DNAH1: variants seen among roughly 807,000 people sequenced by gnomAD.
The protein encoded by DNAH1 is dynein axonemal heavy chain 1.
In DNAH1, 327 loss-of-function variants were observed where a neutral mutation model predicts 484.3. That is an observed-to-expected ratio of 0.68 (90% confidence interval 0.62 to 0.74). DNAH1 has a LOEUF of 0.74. Ranked by LOEUF, DNAH1 falls within the 30% of genes least tolerant of loss-of-function variation. The pLI is 0.00. For missense variants in DNAH1, 5,052 were observed against 5,546.8 expected, an observed-to-expected ratio of 0.91 and a Z score of 2.83; for synonymous variants, 2,192 against 2,191.9, an observed-to-expected ratio of 1.00 and a Z score of 0.00.
intron 51 of DNAH1, 54 bp downstream of exon 51, chr3:52,383,648 T>TG: frequency 2.7e-6 from 4 of 1,495,192 alleles, no homozygotes; most frequent in Non-Finnish European, 3.6e-6. Context: ...GGTGTGTACA[T>TG]GGGCTGGCCC....
In DNAH1 at chr3:52,345,702, C is replaced by T. The variant is rs748118922; in HGVS notation, c.1652C>T (p.Ser551Phe). ...EFEQIQSQTF[S>F]QVQMFLKDSW... ...GAGCAGATCCAGTCACAGACCTTCT[C>T]CCAGGTTTGTGGGCATCAAGGGCAC... Residue 551 changes from serine (S) to phenylalanine (F), a missense_variant, in exon 10 of 78, where the codon TCC becomes TTC. Around this residue, in one of 4 missense-constraint regions of DNAH1, gnomAD observed 1,263 missense variants for 1,218.8 expected, o/e 1.04. Transcript: ENST00000420323. The T allele has an allele frequency of 6.8e-6, 11 of 1,611,960 alleles. No homozygotes were observed. Among genetic ancestry groups the T allele is most frequent in the Admixed American group, 3.3e-5 (2 of 59,752 alleles).
At chr3:52,352,774 G>C in intron 18 of DNAH1, 67 bp downstream of exon 18, 3 of 1,538,954 alleles carry the variant, frequency 1.9e-6, no homozygotes, top group Non-Finnish European at 2.6e-6. Flanking sequence ...TGTAGATGCA[G>C]CTGCCAGGAG....
chr3:52,373,323 C>CAG (rs1703436116), intron 44 of DNAH1, among the ~76,000 whole-genome samples: 1 of 134,608 alleles, frequency 7.4e-6, no homozygotes, highest in Non-Finnish European at 1.6e-5. Context: ...GCCGCGGGGG[C>CAG]GCGACGGCGG....
intron 22 of DNAH1, among the ~76,000 whole-genome samples, chr3:52,357,046 T>C (rs1425460043): frequency 6.6e-6 from 1 of 151,506 alleles, no homozygotes; most frequent in Non-Finnish European, 1.5e-5. Context: ...TTTTGTTTTT[T>C]TTTTTGAAAC....
rs1702697761 is a variant in DNAH1 at position 52,358,169 on chromosome 3, C to T, written c.4086+166C>T. Among the ~76,000 whole-genome samples, 1 of 152,234 alleles carries T rather than the reference C, an allele frequency of 6.6e-6. No individual in the cohort carries two copies. Among genetic ancestry groups the T allele is most frequent in the South Asian group, 2.1e-4 (1 of 4,836 alleles). On this transcript the variant is annotated intron_variant, in intron 24 of 77. Coordinates refer to ENST00000420323, the MANE Select transcript of DNAH1 (RefSeq NM_015512.5). The surrounding 1 kb of genome is among the most constrained non-coding windows in gnomAD (Gnocchi z 4.2). ...GTGGGAGGAAGGTCAACTGCAGAATCCCCAGCTCAGGGCTGAGGGCCCTGG... is the reference window on the plus strand; with the variant it reads ...GTGGGAGGAAGGTCAACTGCAGAATTCCCAGCTCAGGGCTGAGGGCCCTGG...
At position 52,392,593 on chromosome 3, in the gene DNAH1, C is replaced by T. The variant is rs766640825; in HGVS notation, c.10182C>T (p.Ile3394=). The T allele has an allele frequency of 4.3e-6, 7 of 1,613,946 alleles. No individual in the cohort carries two copies. The highest frequency in any genetic ancestry group is 1.7e-5 in the Admixed American group (1 of 60,026). Residue 3394 remains isoleucine, a synonymous_variant, in exon 64 of 78, where the codon ATC becomes ATT. Coordinates refer to ENST00000420323, the MANE Select transcript of DNAH1 (RefSeq NM_015512.5). ...RQELKDIEDQ[I]LYRLSSSEGN... is the part of the protein sequence containing the mutation. The stretch of plus-strand genomic sequence containing the variant: ...AGCTGAAGGACATTGAGGACCAGAT[C>T]CTGTACCGGCTCAGCTCCTCCGAGG...
intron 50 of DNAH1, 117 bp from the exon 51 acceptor site, chr3:52,383,269 C>T (rs1407588734): frequency 1.1e-6 from 1 of 938,966 alleles, no homozygotes; most frequent in African/African-American, 1.6e-5. Flanking sequence ...CTCTGGGCTT[C>T]TCTGAGCCTT....
chr3:52,347,795 G>T, intron 11 of DNAH1, 29 bp from the exon 12 acceptor site: 1 of 1,546,898 alleles, frequency 6.5e-7, no homozygotes. Context: ...CTAGGCCTCT[G>T]CCCACAGTCA....
At position 52,322,484 on chromosome 3, in the gene DNAH1, C is replaced by T. The variant is rs775936085; in HGVS notation, c.42C>T (p.Thr14=). Residue 14 remains threonine (T), a synonymous_variant, in exon 2 of 78, where the codon ACC becomes ACT. Coordinates refer to ENST00000420323, the MANE Select transcript of DNAH1 (RefSeq NM_015512.5). ...GTAAAGGCTATAGCCTGGGAAGGACCCCTCAGGGCCCAGAGTGCAGCAGTG... is the reference window on the plus strand; with the variant it reads ...GTAAAGGCTATAGCCTGGGAAGGACTCCTCAGGGCCCAGAGTGCAGCAGTG... The part of the protein sequence containing the change: ...PNSKGYSLGR[T]PQGPECSSAP... 3.7e-6 allele frequency: 6 copies of T among 1,612,894 alleles called. No homozygotes were observed. Among genetic ancestry groups the T allele is most frequent in the Admixed American group, 1.7e-5 (1 of 59,674 alleles).
At position 52,353,412 on chromosome 3, in the gene DNAH1, C is replaced by T. The variant is rs540247484; in HGVS notation, c.3259C>T (p.Arg1087Cys). 48 of 1,613,310 alleles carry T rather than the reference C, an allele frequency of 3.0e-5. No individual in the cohort carries two copies. The highest frequency in any genetic ancestry group is 3.8e-5 in the Non-Finnish European group (45 of 1,179,478). Residue 1087 changes from arginine to cysteine, a missense_variant, in exon 20 of 78, where the codon CGC (arginine) becomes TGC (cysteine). Coordinates refer to ENST00000420323, the MANE Select transcript of DNAH1 (RefSeq NM_015512.5). This position sits in a 1 kb window ranked among gnomAD's most constrained non-coding sequence, Gnocchi z 5.0. ...CQEVALDIRA[R>C]IEEFKPYIPL... is the part of the protein sequence containing the mutation. ...GGAAGTGGCCTTGGACATCCGGGCC[C>T]GCATCGAGGAGTTCAAACCATACAT...
Position 52,348,005 on chromosome 3 carries a change from C to A in DNAH1, c.2106+31C>A, listed in dbSNP as rs1197274254. On this transcript the variant is annotated intron_variant, in intron 12 of 77. Coordinates refer to ENST00000420323, the MANE Select transcript of DNAH1 (RefSeq NM_015512.5). ...TGCTGCAGCCTGAGCAGGCCCCAGG[C>A]ACCTGCTGCCCTGGCTGCTGATGGC... is the stretch of plus-strand genomic sequence containing the variant. 2.5e-6 allele frequency: 4 copies of A among 1,581,750 alleles called. No individual in the cohort carries two copies. In the East Asian group the frequency reaches 9.2e-5, roughly 36 times the overall value.
Position 52,378,757 on chromosome 3 carries a change from A to G in DNAH1, c.7354A>G (p.Met2452Val), listed in dbSNP as rs761964423. The change falls in exon 47 of 78, where the codon ATG becomes GTG. Residue 2452 changes from methionine to valine, a missense_variant. Coordinates refer to ENST00000420323, the MANE Select transcript of DNAH1 (RefSeq NM_015512.5). ...DLSKVFQGML[M>V]ADPAKVEDQV... ...CTCCAAGGTCTTCCAAGGCATGCTCATGGCTGACCCGGCCAAGGTCGAGGT... is the reference window on the plus strand; with the variant it reads ...CTCCAAGGTCTTCCAAGGCATGCTCGTGGCTGACCCGGCCAAGGTCGAGGT... 2 of 1,613,686 alleles carry G rather than the reference A, an allele frequency of 1.2e-6. No individual in the cohort carries two copies. Among genetic ancestry groups the G allele is most frequent in the Admixed American group, 3.3e-5 (2 of 60,022 alleles).
rs562188109 is a variant in DNAH1, at chr3:52,372,079, A to G, written c.6659A>G (p.Lys2220Arg). The G allele has an allele frequency of 1.2e-6, 2 of 1,613,598 alleles. No individual in the cohort carries two copies. Among genetic ancestry groups the G allele is most frequent in the Admixed American group, 1.7e-5 (1 of 60,016 alleles). The change falls in exon 42 of 78, where the codon AAG (lysine) becomes AGG (arginine). Residue 2220 changes from lysine (K) to arginine (R), a missense_variant. Physicochemically the swap from Lys to Arg is conservative, Grantham distance 26 (BLOSUM62 2). Around this residue, in one of 4 missense-constraint regions of DNAH1, gnomAD observed 2,929 missense variants for 3,409.4 expected, o/e 0.86. Coordinates refer to ENST00000420323, the MANE Select transcript of DNAH1 (RefSeq NM_015512.5). ...TTACTGGACATGCTGCTCACCAACA[A>G]GAAGCCCGTGAGCACCCCCCCAGGC... The part of the protein sequence containing the change: ...SHLLDMLLTN[K>R]KPVLCIGPTG...
intron 4 of DNAH1, 136 bp downstream of exon 4, chr3:52,326,450 G>T (rs1168131601): frequency 5.1e-6 from 6 of 1,171,622 alleles, no homozygotes; most frequent in Non-Finnish European, 7.0e-6. Context: ...GAATCTTCTA[G>T]CCCTTTGGTG....
Position 52,372,490 on chromosome 3 carries a change from G to A in DNAH1, c.6827+103G>A. 12 of 1,488,198 alleles carry A rather than the reference G, an allele frequency of 8.1e-6. 1 individual carries two copies. Among genetic ancestry groups the A allele is most frequent in the South Asian group, 5.1e-5 (4 of 78,072 alleles). The allele number at this position is 1,488,198 out of a possible 1,614,324, so 92.2% of individuals were successfully genotyped here. On this transcript the variant is annotated intron_variant, in intron 43 of 77. Transcript: ENST00000420323. Reference sequence around the variant, plus strand: ...CAAATTATGCTCCTGGGTTTGCCAGGAACCTCCCAGGGGGAGCTGACAGCC... The same window carrying A: ...CAAATTATGCTCCTGGGTTTGCCAGAAACCTCCCAGGGGGAGCTGACAGCC...
At chr3:52,344,717 TC>T in intron 9 of DNAH1, 70 bp downstream of exon 9, 1 of 1,498,304 alleles carries the variant, frequency 6.7e-7, no homozygotes, top group Non-Finnish European at 8.9e-7. Flanking sequence ...CACCTTCCCC[TC>T]CAGGATTGTC....
intron 75 of DNAH1, among the ~76,000 whole-genome samples, chr3:52,398,525 T>A (rs1704744100): frequency 6.6e-6 from 1 of 152,208 alleles, no homozygotes; most frequent in African/African-American, 2.4e-5. Context: ...CCTGACCTCA[T>A]GATCCGCCTG....
intron 2 of DNAH1, 32 bp from the exon 3 acceptor site, chr3:52,323,774 GAC>G (rs778852337): frequency 3.2e-6 from 5 of 1,562,024 alleles, no homozygotes; most frequent in Non-Finnish European, 4.3e-6. Flanking sequence ...CTGGGAGGTT[GAC>G]ACATACTCAG....
chr3:52,357,268 G>A (rs1454083132), intron 22 of DNAH1, among the ~76,000 whole-genome samples: 1 of 152,006 alleles, frequency 6.6e-6, no homozygotes, highest in African/African-American at 2.4e-5. Context: ...TGGTCAGGCT[G>A]GTCTCAAACT....
Sources: gnomAD v4.1 joint callset for allele counts (sites outside exome capture counted in the v4.1 genomes callset) on GRCh38, gnomAD v4.1.1 for gene constraint, gnomAD v4.1.1 regional missense constraint, Gnocchi (gnomAD v3.1) non-coding constraint, MANE v1.5 for transcripts, NCBI Gene and HGNC (gene_info 2026-07-23, HGNC 2026-07-21) for gene names.